Variants in SYNJ1 observed in about 807,000 individuals in gnomAD.
SYNJ1 encodes the protein polyphosphatidylinositol phosphatase SYNJ1.
In SYNJ1, 78 loss-of-function variants were observed where a neutral mutation model predicts 168.2. The observed-to-expected ratio is 0.46, with a 90% confidence interval of 0.39 to 0.56. SYNJ1 has a LOEUF of 0.56. Among genes scored for constraint, SYNJ1 ranks in the 20% least tolerant of loss-of-function variants. SYNJ1 has a pLI of 0.00. For synonymous variants in SYNJ1, 539 were observed against 548.6 expected (o/e 0.98, Z 0.24); for missense variants, 1,303 against 1,597.6 (o/e 0.82, Z 3.14).
At chr21:32,723,487 A>G (rs1216911333) in intron 2 of SYNJ1, among the ~76,000 whole-genome samples, 1 of 152,212 alleles carries the variant, frequency 6.6e-6, no homozygotes, top group Non-Finnish European at 1.5e-5. Flanking sequence ...ACACCTACAT[A>G]TGAGCATTTA....
chr21:32,687,037 T>C lies in SYNJ1; in HGVS notation c.889A>G (p.Ile297Val), dbSNP rs775110785. 3.9e-5 allele frequency: 61 copies of C among 1,545,384 alleles called. No homozygotes were observed. The highest frequency in any genetic ancestry group is 1.7e-4 in the Middle Eastern group (1 of 5,922). The change falls in exon 8 of 33, where the codon ATA becomes GTA. Residue 297 changes from isoleucine (I) to valine (V), a missense_variant. Around this residue, in one of 2 missense-constraint regions of SYNJ1, gnomAD observed 920 missense variants for 1,208.8 expected, o/e 0.76. Coordinates refer to ENST00000674351, the MANE Select transcript of SYNJ1 (RefSeq NM_203446.3). Reference protein sequence around the residue: ...RTLKNLYGKQIIVNLLGSKEG... With the variant: ...RTLKNLYGKQVIVNLLGSKEG... Reference sequence around the variant, plus strand: ...TTAGATCCAAGCAAATTTACTATTATTTGTTTACCATATAAGTTCTTAAGT... The same window carrying C: ...TTAGATCCAAGCAAATTTACTATTACTTGTTTACCATATAAGTTCTTAAGT...
rs2041407972 is a variant in SYNJ1, at chr21:32,676,338, G to C, written c.1528C>G (p.Gln510Glu). The change falls in exon 13 of 33, where the codon CAG (glutamine) becomes GAG (glutamate). Residue 510 changes from glutamine (Q) to glutamate (E), a missense_variant. Transcript: ENST00000674351. ...GSLRVSEQTL[Q>E]SASSKVLKSM... ...TTGATTTTCTATACTGTACCTGACTGTAATGTCTGCTCAGAAACTATGGAT... is the reference window on the plus strand; with the variant it reads ...TTGATTTTCTATACTGTACCTGACTCTAATGTCTGCTCAGAAACTATGGAT... 3 of 1,605,724 alleles carry C rather than the reference G, an allele frequency of 1.9e-6. No individual in the cohort carries two copies. Among genetic ancestry groups the C allele is most frequent in the Non-Finnish European group, 1.7e-6 (2 of 1,176,282 alleles).
At chr21:32,645,530 A>C in intron 25 of SYNJ1, 116 bp downstream of exon 25, 2 of 1,329,096 alleles carry the variant, frequency 1.5e-6, no homozygotes, top group Non-Finnish European at 2.0e-6. Context: ...AGAAATAGCA[A>C]TAATGATAGA....
chr21:32,728,164 A>G (rs972890114), upstream of SYNJ1: 29 of 1,194,522 alleles, frequency 2.4e-5, no homozygotes, highest in East Asian at 2.9e-4. Context: ...CCCCAGCCTC[A>G]GTCTCCAGCT....
intron 2 of SYNJ1, among the ~76,000 whole-genome samples, chr21:32,720,831 T>A (rs888606382): frequency 6.6e-6 from 1 of 152,262 alleles, no homozygotes; most frequent in African/African-American, 2.4e-5. Context: ...ATTTCCCATA[T>A]GTTGACCTTT....
intron 2 of SYNJ1, among the ~76,000 whole-genome samples, chr21:32,724,216 G>A (rs971144505): frequency 6.6e-6 from 1 of 151,966 alleles, no homozygotes; most frequent in African/African-American, 2.4e-5. Flanking sequence ...GGCTGGGCGC[G>A]GTGGCTCACG....
chr21:32,637,240 A>G (rs1163675428), intron 31 of SYNJ1, among the ~76,000 whole-genome samples: 1 of 152,104 alleles, frequency 6.6e-6, no homozygotes, highest in Non-Finnish European at 1.5e-5. Context: ...GCTAGTTGAA[A>G]AAGTTTTTTG....
In SYNJ1 at chr21:32,639,676, G is replaced by C; in HGVS notation, c.3692C>G (p.Ser1231Trp). 1 of 1,613,742 alleles carries C rather than the reference G, an allele frequency of 6.2e-7. No homozygotes were observed. Among genetic ancestry groups the C allele is most frequent in the African/African-American group, 1.3e-5 (1 of 74,994 alleles). The stretch of plus-strand genomic sequence containing the variant: ...GCCTCCCAAAGAGGACCTACCTTTC[G>C]ACGTTTCTGATGTTTTGCTTTGGCT... ...PESQSKTSET[S>W]KGSTFLPEPL... Residue 1231 changes from serine (S) to tryptophan (W), a missense_variant, in exon 30 of 33, where the codon TCG becomes TGG. This residue lies in a region of SYNJ1 where 383 missense variants were observed against 388.8 expected (regional missense o/e 0.99). Transcript: ENST00000674351.
At chr21:32,698,474 A>C (rs1336871679) in intron 4 of SYNJ1, among the ~76,000 whole-genome samples, 1 of 152,212 alleles carries the variant, frequency 6.6e-6, no homozygotes, top group East Asian at 1.9e-4. Flanking sequence ...TGAACTGTTA[A>C]GGGAGGCCAA....
intron 4 of SYNJ1, 91 bp from the exon 5 acceptor site, chr21:32,695,373 A>G: frequency 8.3e-7 from 1 of 1,209,280 alleles, no homozygotes; most frequent in Non-Finnish European, 1.1e-6. Context: ...TTAATTTAAT[A>G]TTATTAAATT....
chr21:32,673,650 A>C, intron 13 of SYNJ1, 119 bp from the exon 14 acceptor site: 4 of 857,392 alleles, frequency 4.7e-6, no homozygotes, highest in Non-Finnish European at 6.5e-6. Context: ...AGCACAAACA[A>C]GCAAAAGATA....
intron 7 of SYNJ1, 121 bp downstream of exon 7, chr21:32,688,185 A>T: frequency 2.3e-6 from 2 of 858,064 alleles, no homozygotes; most frequent in Non-Finnish European, 3.6e-6. Flanking sequence ...TCTTTCAATT[A>T]AATTAGGAGT....
chr21:32,708,758 T>G (rs1474610201), intron 2 of SYNJ1, among the ~76,000 whole-genome samples: 1 of 151,698 alleles, frequency 6.6e-6, no homozygotes, highest in Non-Finnish European at 1.5e-5. Flanking sequence ...TTTTCTTAGG[T>G]ACCTTTTTTT....
At chr21:32,687,475 A>G (rs898167728) in intron 7 of SYNJ1, among the ~76,000 whole-genome samples, 7 of 152,212 alleles carry the variant, frequency 4.6e-5, no homozygotes, top group Admixed American at 1.3e-4. Flanking sequence ...TACTAGCTCC[A>G]GTCTTCAGAA....
At chr21:32,706,671 A>G (rs1025857539) in intron 2 of SYNJ1, among the ~76,000 whole-genome samples, 1 of 152,176 alleles carries the variant, frequency 6.6e-6, no homozygotes, top group African/African-American at 2.4e-5. Flanking sequence ...TCTGACGTTA[A>G]TAAGGTAAAC....
At chr21:32,709,823 C>T (rs1296583954) in intron 2 of SYNJ1, among the ~76,000 whole-genome samples, 4 of 151,638 alleles carry the variant, frequency 2.6e-5, no homozygotes, top group Non-Finnish European at 5.9e-5. Flanking sequence ...CAGCCAAAAA[C>T]ACTGCCTATT....
intron 6 of SYNJ1, among the ~76,000 whole-genome samples, chr21:32,690,031 G>C (rs1048389406): frequency 1.3e-5 from 2 of 152,152 alleles, no homozygotes; most frequent in African/African-American, 4.8e-5. Flanking sequence ...TTTGTTTACT[G>C]ATTAACATTT....
chr21:32,659,025 T>C (rs925529698), intron 18 of SYNJ1, among the ~76,000 whole-genome samples: 1 of 151,840 alleles, frequency 6.6e-6, no homozygotes, highest in African/African-American at 2.4e-5. Context: ...GAAAAGGTAA[T>C]GTGGTGCCCA....
At chr21:32,662,044 C>G (rs918645482) in intron 18 of SYNJ1, among the ~76,000 whole-genome samples, 1 of 152,126 alleles carries the variant, frequency 6.6e-6, no homozygotes, top group African/African-American at 2.4e-5. Flanking sequence ...TCATCCTGAC[C>G]ACCCCCACGG....
Sources: allele counts gnomAD v4.1 joint callset (sites outside exome capture counted in the v4.1 genomes callset), GRCh38; gene constraint gnomAD v4.1.1; regional missense constraint gnomAD v4.1.1; transcripts MANE v1.5; gene names NCBI Gene and HGNC (gene_info 2026-07-23, HGNC 2026-07-21).